The following MYO3B variants were observed in gnomAD, a reference collection of about 807,000 sequenced individuals.
The protein encoded by MYO3B is myosin IIIB.
Under a neutral mutation model 174.6 loss-of-function variants are expected in MYO3B, and 156 were observed. The observed-to-expected ratio is 0.89, with a 90% CI of 0.78 to 1.02. The LOEUF (loss-of-function observed/expected upper bound fraction) is 1.02, where lower values mean the gene tolerates loss of function less well. Among genes scored for constraint, MYO3B ranks in the 50% least tolerant of loss-of-function variants. MYO3B has a pLI of 0.00. For synonymous variants in MYO3B, 563 were observed against 569.1 expected, an observed-to-expected ratio of 0.99 and a Z score of 0.15; for missense variants, 1,632 against 1,639.4, an observed-to-expected ratio of 1.00 and a Z score of 0.08.
At chr2:170,574,590 C>G (rs79428546) in intron 32 of MYO3B, among the ~76,000 whole-genome samples, 4 of 152,006 alleles carry the variant, frequency 2.6e-5, no homozygotes, top group Non-Finnish European at 4.4e-5. Context: ...AAGAATGTAA[C>G]GCAAGGATGA....
intron 7 of MYO3B, among the ~76,000 whole-genome samples, chr2:170,322,878 G>A (rs2093839006): frequency 6.6e-6 from 1 of 152,146 alleles, no homozygotes; most frequent in Non-Finnish European, 1.5e-5. Context: ...AGGTGTTGAT[G>A]TTCAGCTGCT....
At chr2:170,406,919 G>C (rs2105812358) in intron 21 of MYO3B, among the ~76,000 whole-genome samples, 1 of 152,178 alleles carries the variant, frequency 6.6e-6, no homozygotes, top group Admixed American at 6.5e-5. Context: ...GACCTAGGGA[G>C]GCAGTGAGAG....
chr2:170,579,633 CA>C (rs1434139177), intron 32 of MYO3B, among the ~76,000 whole-genome samples: 1 of 152,234 alleles, frequency 6.6e-6, no homozygotes, highest in Non-Finnish European at 1.5e-5. Context: ...CCACTTCCTC[CA>C]AGGCCCAGAA....
At chr2:170,247,688 G>T (rs2093206790) in intron 7 of MYO3B, among the ~76,000 whole-genome samples, 1 of 152,150 alleles carries the variant, frequency 6.6e-6, no homozygotes, top group South Asian at 2.1e-4. Flanking sequence ...CTCACTTTCT[G>T]GTTCATAGAT....
chr2:170,293,039 G>T (rs149258174), intron 7 of MYO3B, among the ~76,000 whole-genome samples: 3 of 152,164 alleles, frequency 2.0e-5, no homozygotes, highest in South Asian at 2.1e-4. Flanking sequence ...GGCACCATGA[G>T]GGGGAGAGGC....
chr2:170,194,149 T>C (rs960134778), intron 1 of MYO3B, among the ~76,000 whole-genome samples: 1 of 152,162 alleles, frequency 6.6e-6, no homozygotes. Flanking sequence ...GTTGTTGTCT[T>C]TATACTTCAA....
chr2:170,430,747 T>C (rs1225174414), intron 22 of MYO3B, among the ~76,000 whole-genome samples: 1 of 152,152 alleles, frequency 6.6e-6, no homozygotes, highest in Non-Finnish European at 1.5e-5. Flanking sequence ...AAATTACACC[T>C]GGATTAAGTA....
intron 22 of MYO3B, among the ~76,000 whole-genome samples, chr2:170,431,191 GA>G (rs2094705733): frequency 6.6e-6 from 1 of 152,096 alleles, no homozygotes; most frequent in Non-Finnish European, 1.5e-5. Flanking sequence ...CAGGCCATGT[GA>G]CAGCCATATT....
chr2:170,555,929 C>G (rs962620946), intron 32 of MYO3B, among the ~76,000 whole-genome samples: 2 of 150,058 alleles, frequency 1.3e-5, no homozygotes, highest in African/African-American at 2.5e-5. Flanking sequence ...GGTGTGGTGG[C>G]TCATGCTTGT....
intron 27 of MYO3B, 67 bp from the exon 28 acceptor site, chr2:170,501,718 C>T (rs911878761): frequency 9.2e-6 from 10 of 1,082,118 alleles, no homozygotes; most frequent in Non-Finnish European, 1.3e-5. Context: ...GGGAAAACAG[C>T]TTATATCAAT....
At position 170,227,212 on chromosome 2, in the gene MYO3B, T is replaced by C. The variant is rs79133629; in HGVS notation, c.604-8779T>C. 3.5e-3 allele frequency among the ~76,000 whole-genome samples: 530 copies of C among 152,246 alleles called. 2 individuals are homozygous for C. Among genetic ancestry groups the C allele is most frequent in the Middle Eastern group, 0.02 (6 of 294 alleles). ...CAGAGGAGCCTTGAGTAGGATGAAA[T>C]AGGAACAAGTAGAGGCAGATGGACT... On this transcript the variant is annotated intron_variant, in intron 6 of 34. Coordinates refer to ENST00000408978, the MANE Select transcript of MYO3B (RefSeq NM_138995.5).
intron 30 of MYO3B, among the ~76,000 whole-genome samples, chr2:170,520,826 G>A (rs917618821): frequency 2.0e-5 from 3 of 151,978 alleles, no homozygotes; most frequent in Admixed American, 6.6e-5. Context: ...TGTTCTTCAC[G>A]GAAGCCTTTA....
intron 32 of MYO3B, among the ~76,000 whole-genome samples, chr2:170,638,932 T>C (rs1434312889): frequency 1.3e-5 from 2 of 152,140 alleles, no homozygotes; most frequent in Non-Finnish European, 2.9e-5. Flanking sequence ...ATCCCCCATG[T>C]CCAGTGCTGG....
At chr2:170,623,592 T>A (rs1696128330) in intron 32 of MYO3B, among the ~76,000 whole-genome samples, 2 of 152,348 alleles carry the variant, frequency 1.3e-5, no homozygotes, top group South Asian at 4.1e-4. Context: ...ATCCCATTTG[T>A]CAATTTTGGC....
chr2:170,414,351 C>G (rs1475852838), intron 22 of MYO3B, among the ~76,000 whole-genome samples: 1 of 152,038 alleles, frequency 6.6e-6, no homozygotes, highest in Non-Finnish European at 1.5e-5. Context: ...CCACGCCTGG[C>G]TAATTTTTTG....
intron 7 of MYO3B, among the ~76,000 whole-genome samples, chr2:170,274,388 T>G (rs1033848982): frequency 7.2e-5 from 11 of 152,192 alleles, no homozygotes; most frequent in African/African-American, 2.7e-4. Context: ...TAACTCAAGC[T>G]TTTTGAAGCA....
At chr2:170,396,572 C>T (rs971868559) in intron 16 of MYO3B, among the ~76,000 whole-genome samples, 1 of 152,130 alleles carries the variant, frequency 6.6e-6, no homozygotes, top group African/African-American at 2.4e-5. Context: ...GAGACCCAAT[C>T]GGTCATTAAT....
chr2:170,483,633 G>A lies in MYO3B; in HGVS notation c.3015-14959G>A, dbSNP rs191216221. 1.3e-4 allele frequency among the ~76,000 whole-genome samples: 16 copies of A among 125,998 alleles called. No homozygotes were observed. In the East Asian group the frequency reaches 2.9e-3, roughly 23 times the overall value. The allele number at this position is 125,998 out of a possible 152,430, so 82.7% of individuals were successfully genotyped here. The stretch of plus-strand genomic sequence containing the variant: ...GATCTCCTGACCTCGTGATCCGCCT[G>A]CCTCGGCCTCCCAAGGATTCTTTAA... On this transcript the variant is annotated intron_variant, in intron 25 of 34. Coordinates refer to ENST00000408978, the MANE Select transcript of MYO3B (RefSeq NM_138995.5).
At chr2:170,404,463 TGA>T in intron 20 of MYO3B, 63 bp downstream of exon 20, 1 of 1,483,250 alleles carries the variant, frequency 6.7e-7, no homozygotes, top group South Asian at 1.4e-5. Flanking sequence ...TGTCATCAAT[TGA>T]GTGTACTTTA....
Sources: allele counts gnomAD v4.1 joint callset (sites outside exome capture counted in the v4.1 genomes callset), GRCh38; gene constraint gnomAD v4.1.1; transcripts MANE v1.5; gene names NCBI Gene and HGNC (gene_info 2026-07-23, HGNC 2026-07-21).